The following SCMH1 variants were observed in gnomAD, a reference collection of about 807,000 sequenced individuals.
SCMH1 encodes the protein Scm polycomb group protein homolog 1.
A neutral mutation model predicts 70.8 loss-of-function variants in SCMH1; 37 were observed. The ratio of observed to expected loss-of-function variants is 0.52; its 90% CI spans 0.40 to 0.69. SCMH1 has a LOEUF of 0.69. Among genes scored for constraint, SCMH1 ranks in the 30% least tolerant of loss-of-function variants. SCMH1 has a pLI of 0.00. For synonymous variants in SCMH1, 292 were observed against 307.4 expected (o/e 0.95, Z 0.52); for missense variants, 607 against 827.3 (o/e 0.73, Z 3.27).
intron 5 of SCMH1, among the ~76,000 whole-genome samples, chr1:41,150,219 T>C (rs1644942423): frequency 6.6e-6 from 1 of 152,144 alleles, no homozygotes; most frequent in Non-Finnish European, 1.5e-5. Flanking sequence ...AAAACCATTG[T>C]TGGCTAGGCC....
rs1032285726 is a variant in SCMH1 at position 41,060,913 on chromosome 1, G to A, written c.1105+9682C>T. Reference sequence around the variant, plus strand: ...TTGCTATGTTGTTGGCGACTCCTAAGCTCAAGTGATCAATCCTCCCAACTC... The same window carrying A: ...TTGCTATGTTGTTGGCGACTCCTAAACTCAAGTGATCAATCCTCCCAACTC... On this transcript the variant is annotated intron_variant, in intron 10 of 14. Coordinates refer to ENST00000337495, the Ensembl canonical transcript of SCMH1. Among the ~76,000 whole-genome samples the A allele has an allele frequency of 3.9e-5, 6 of 152,154 alleles. No individual in the cohort carries two copies. In the East Asian group the frequency reaches 9.6e-4, roughly 24 times the overall value.
At chr1:41,061,362 T>C (rs909553490) in intron 10 of SCMH1, among the ~76,000 whole-genome samples, 4 of 152,158 alleles carry the variant, frequency 2.6e-5, no homozygotes, top group African/African-American at 9.7e-5. Flanking sequence ...AAGACATATA[T>C]AGATTAAAAG....
chr1:41,046,572 G>C (rs746456283), exon 12 of SCMH1: 1 of 1,614,200 alleles, frequency 6.2e-7, no homozygotes, highest in East Asian at 2.2e-5. Flanking sequence ...GGGAGGTTGA[G>C]GGTATGCTGT....
chr1:41,102,628 T>C (rs890163384), intron 8 of SCMH1, among the ~76,000 whole-genome samples: 1 of 152,094 alleles, frequency 6.6e-6, no homozygotes, highest in Non-Finnish European at 1.5e-5. Flanking sequence ...GGAAAACAGA[T>C]AACTAAAATC....
At chr1:41,142,787 G>T in intron 6 of SCMH1, 91 bp downstream of exon 6, 1 of 1,083,526 alleles carries the variant, frequency 9.2e-7, no homozygotes. Flanking sequence ...GGATAAGCTG[G>T]GTACCCTAGG....
chr1:41,033,906 G>A, intron 13 of SCMH1, 77 bp downstream of exon 14: 1 of 1,602,916 alleles, frequency 6.2e-7, no homozygotes, highest in Non-Finnish European at 8.5e-7. Flanking sequence ...AGTGCCAGGA[G>A]GGCAGCCTAT....
intron 1 of SCMH1, among the ~76,000 whole-genome samples, chr1:41,204,364 T>C (rs78896650): frequency 0.093 from 14,134 of 152,206 alleles, 862 homozygotes; most frequent in South Asian, 0.16. Context: ...AGTTAGATCA[T>C]ATCACTCTCC....
intron 10 of SCMH1, among the ~76,000 whole-genome samples, chr1:41,064,883 C>T (rs538043497): frequency 2.0e-5 from 3 of 152,014 alleles, no homozygotes; most frequent in Non-Finnish European, 4.4e-5. Flanking sequence ...CCACTGCACT[C>T]CAGCCTGGGC....
At chr1:41,067,442 T>TCAACAACAA (rs1447911932) in intron 10 of SCMH1, among the ~76,000 whole-genome samples, 3 of 97,316 alleles carry the variant, frequency 3.1e-5, no homozygotes, top group Non-Finnish European at 5.6e-5. Flanking sequence ...AGACTCCATC[T>TCAACAACAA]CAACAACAAC....
intron 8 of SCMH1, among the ~76,000 whole-genome samples, chr1:41,081,899 C>T (rs1171079001): frequency 1.3e-5 from 2 of 151,774 alleles, no homozygotes; most frequent in African/African-American, 4.8e-5. Context: ...CCAAAATTAA[C>T]TACACATATA....
intron 1 of SCMH1, among the ~76,000 whole-genome samples, chr1:41,241,644 C>T (rs1663571966): frequency 6.6e-6 from 1 of 152,074 alleles, no homozygotes; most frequent in Non-Finnish European, 1.5e-5. Context: ...CCGCCCGGCC[C>T]TCGGCCCCCA....
At chr1:41,238,957 A>G (rs78783078) in intron 1 of SCMH1, among the ~76,000 whole-genome samples, 135 of 152,278 alleles carry the variant, frequency 8.9e-4, no homozygotes, top group African/African-American at 3.2e-3. Flanking sequence ...CCTGAGCATC[A>G]CACGGGACTC....
chr1:41,232,532 G>A (rs1203814362), intron 1 of SCMH1, among the ~76,000 whole-genome samples: 1 of 152,140 alleles, frequency 6.6e-6, no homozygotes, highest in Admixed American at 6.5e-5. Context: ...CACATATATG[G>A]TGAAATGAAA....
chr1:41,206,034 G>A (rs962619976), intron 1 of SCMH1, among the ~76,000 whole-genome samples: 2 of 152,176 alleles, frequency 1.3e-5, no homozygotes, highest in African/African-American at 4.8e-5. Flanking sequence ...AATCCCATCT[G>A]TAGGTCACCA....
At chr1:41,027,862 T>C in exon 15 of SCMH1, 1 of 287,490 alleles carries the variant, frequency 3.5e-6, no homozygotes. Flanking sequence ...CAGGACAGAG[T>C]TGGCCTTTTC....
At chr1:41,223,148 A>C (rs891879850) in intron 1 of SCMH1, among the ~76,000 whole-genome samples, 5 of 152,192 alleles carry the variant, frequency 3.3e-5, no homozygotes, top group South Asian at 4.1e-4. Flanking sequence ...ATATTCTATC[A>C]ATGGAATCTG....
At chr1:41,191,886 C>T (rs1046428483) in intron 1 of SCMH1, among the ~76,000 whole-genome samples, 1 of 152,124 alleles carries the variant, frequency 6.6e-6, no homozygotes, top group African/African-American at 2.4e-5. Context: ...AATTATAATA[C>T]ACTTGGGATA....
chr1:41,133,169 C>T (rs914716542), intron 6 of SCMH1, among the ~76,000 whole-genome samples: 5 of 152,112 alleles, frequency 3.3e-5, no homozygotes, highest in South Asian at 2.1e-4. Flanking sequence ...TCATCCTATC[C>T]GTGAGCGTGG....
chr1:41,153,748 C>A (rs1035598957), intron 4 of SCMH1, among the ~76,000 whole-genome samples: 13 of 152,082 alleles, frequency 8.5e-5, no homozygotes, highest in African/African-American at 2.9e-4. Context: ...CTACCTAAGG[C>A]TTAGTTCCTT....
Sources: allele counts gnomAD v4.1 joint callset (sites outside exome capture counted in the v4.1 genomes callset), GRCh38; gene constraint gnomAD v4.1.1; transcripts MANE v1.5; gene names NCBI Gene and HGNC (gene_info 2026-07-23, HGNC 2026-07-21).